LRP1B: variants seen among roughly 807,000 people sequenced by gnomAD.
LRP1B encodes the protein low-density lipoprotein receptor-related protein 1B.
In LRP1B, 217 loss-of-function variants were observed where a neutral mutation model predicts 556.6. The ratio of observed to expected loss-of-function variants is 0.39; its 90% confidence interval spans 0.35 to 0.44. The LOEUF (loss-of-function observed/expected upper bound fraction) is 0.44. LRP1B is among the 20% of genes least tolerant of loss of function. LRP1B has a pLI of 1.00. For missense variants in LRP1B, 5,053 were observed against 5,620.8 expected (o/e 0.90, Z 3.23); for synonymous variants, 2,047 against 1,865.8 (o/e 1.10, Z -2.50).
At chr2:142,073,316 C>A (rs1381362149) in intron 1 of LRP1B, among the ~76,000 whole-genome samples, 1 of 151,914 alleles carries the variant, frequency 6.6e-6, no homozygotes, top group Non-Finnish European at 1.5e-5. Flanking sequence ...GTCTTAAAAA[C>A]TATAGAGACC....
chr2:141,714,589 T>A (rs1692502270), intron 2 of LRP1B, among the ~76,000 whole-genome samples: 1 of 152,136 alleles, frequency 6.6e-6, no homozygotes, highest in South Asian at 2.1e-4. Flanking sequence ...TTTATAATTT[T>A]CTCTCTTCAA....
Position 141,207,753 on chromosome 2 carries a change from G to A in LRP1B, c.851-19170C>T, listed in dbSNP as rs144626523. Among the ~76,000 whole-genome samples, 837 of 152,284 alleles carry A rather than the reference G, an allele frequency of 5.5e-3. 11 individuals carry two copies. Among genetic ancestry groups the A allele is most frequent in the African/African-American group, 0.019 (789 of 41,554 alleles). ...CGCAATGGTGCAATCTCAGCTCACTGCAACCTCTGCCTCCCCGGTTCAAGC... is the reference window on the plus strand; with the variant it reads ...CGCAATGGTGCAATCTCAGCTCACTACAACCTCTGCCTCCCCGGTTCAAGC... On this transcript the variant is annotated intron_variant, in intron 6 of 90. Coordinates refer to ENST00000389484, the MANE Select transcript of LRP1B (RefSeq NM_018557.3).
Position 141,320,067 on chromosome 2 carries a change from G to C in LRP1B, c.344-65426C>G, listed in dbSNP as rs936399428. 9.9e-5 allele frequency among the ~76,000 whole-genome samples: 15 copies of C among 152,152 alleles called. No individual in the cohort carries two copies. The South Asian group carries it at 3.1e-3, about 32-fold the overall frequency. On this transcript the variant is annotated intron_variant, in intron 3 of 90. Transcript: ENST00000389484. ...ATACTACATTATTAGTAATTTCTCA[G>C]ATGATGCCAATGTTTCTAGACTATG...
At chr2:142,121,031 C>A (rs781304975) in intron 1 of LRP1B, among the ~76,000 whole-genome samples, 9 of 152,238 alleles carry the variant, frequency 5.9e-5, no homozygotes, top group African/African-American at 2.2e-4. Flanking sequence ...AGAATATTAA[C>A]CCTTTCCCCC....
intron 21 of LRP1B, among the ~76,000 whole-genome samples, chr2:140,921,120 A>G (rs1440994676): frequency 6.6e-6 from 1 of 151,938 alleles, no homozygotes; most frequent in African/African-American, 2.4e-5. Context: ...TTTGTCTGCA[A>G]ATTTTTTTTC....
At chr2:141,337,602 G>A (rs1327278661) in intron 3 of LRP1B, among the ~76,000 whole-genome samples, 1 of 152,078 alleles carries the variant, frequency 6.6e-6, no homozygotes, top group African/African-American at 2.4e-5. Context: ...TTCTTTAATA[G>A]ATCGACTATT....
chr2:141,932,552 T>G (rs1700536048), intron 1 of LRP1B, among the ~76,000 whole-genome samples: 1 of 152,082 alleles, frequency 6.6e-6, no homozygotes, highest in Non-Finnish European at 1.5e-5. Flanking sequence ...CAAAGCCATG[T>G]AATGCTTGTG....
intron 84 of LRP1B, among the ~76,000 whole-genome samples, chr2:140,284,880 C>T (rs1431502469): frequency 1.0e-5 from 1 of 98,654 alleles, no homozygotes; most frequent in Non-Finnish European, 2.0e-5. Flanking sequence ...ATATATCTAT[C>T]TATATCTATA....
chr2:140,405,456 T>C (rs1684689162), intron 66 of LRP1B, among the ~76,000 whole-genome samples: 1 of 151,658 alleles, frequency 6.6e-6, no homozygotes, highest in Non-Finnish European at 1.5e-5. Context: ...AATTGAGAAA[T>C]CATTAGGGAG....
At chr2:140,614,820 G>C (rs536470186) in intron 41 of LRP1B, among the ~76,000 whole-genome samples, 26 of 152,130 alleles carry the variant, frequency 1.7e-4, no homozygotes, top group Non-Finnish European at 3.7e-4. Flanking sequence ...ATCCAGGAAA[G>C]AGCTTAAAGC....
chr2:141,847,035 G>C (rs1162929344), intron 1 of LRP1B, among the ~76,000 whole-genome samples: 1 of 151,346 alleles, frequency 6.6e-6, no homozygotes, highest in Non-Finnish European at 1.5e-5. Context: ...GCAGAAAGAG[G>C]TATGACTGTT....
rs1559156326 is a variant in LRP1B at position 140,851,647 on chromosome 2, T to C, written c.4711+5A>G. ...TATTTTCGATTAGAACTGTAAGAAA[T>C]TTACCATAGCAGGTCTTCTTGTCTG... On this transcript the variant is annotated splice_donor_5th_base_variant and intron_variant, in intron 28 of 90. Transcript: ENST00000389484. The C allele has an allele frequency of 6.2e-7, 1 of 1,606,662 alleles. No individual in the cohort carries two copies. Among genetic ancestry groups the C allele is most frequent in the Non-Finnish European group, 8.5e-7 (1 of 1,177,550 alleles).
At chr2:141,779,562 G>A (rs186940279) in intron 2 of LRP1B, among the ~76,000 whole-genome samples, 45 of 151,678 alleles carry the variant, frequency 3.0e-4, no homozygotes, top group African/African-American at 9.2e-4. Context: ...AATTATAGGC[G>A]CCCACCACCA....
intron 7 of LRP1B, among the ~76,000 whole-genome samples, chr2:141,184,986 A>T (rs1272955279): frequency 6.6e-6 from 1 of 152,060 alleles, no homozygotes; most frequent in Non-Finnish European, 1.5e-5. Context: ...GGTTGAAAAG[A>T]AAAAGGTCAT....
At position 140,879,383 on chromosome 2, in the gene LRP1B, C is replaced by T. The variant is rs549331872; in HGVS notation, c.4169+4434G>A. 2.3e-3 allele frequency among the ~76,000 whole-genome samples: 357 copies of T among 152,140 alleles called. 3 individuals are homozygous for T. The highest frequency in any genetic ancestry group is 8.2e-3 in the African/African-American group (340 of 41,536). Reference sequence around the variant, plus strand: ...TTTGATTCACTAAAATAAGTGATCCCTTCATTTCTTCATTAAACCTAGCAG... The same window carrying T: ...TTTGATTCACTAAAATAAGTGATCCTTTCATTTCTTCATTAAACCTAGCAG... On this transcript the variant is annotated intron_variant, in intron 25 of 90. Transcript: ENST00000389484.
At chr2:140,725,753 T>G (rs1687572709) in intron 35 of LRP1B, among the ~76,000 whole-genome samples, 1 of 152,000 alleles carries the variant, frequency 6.6e-6, no homozygotes, top group Non-Finnish European at 1.5e-5. Flanking sequence ...CACCTGCCAC[T>G]GGGGTTCAGT....
At chr2:140,322,929 T>C (rs1010705048) in intron 81 of LRP1B, among the ~76,000 whole-genome samples, 2 of 151,900 alleles carry the variant, frequency 1.3e-5, no homozygotes, top group African/African-American at 4.8e-5. Context: ...AACTGGAGGA[T>C]GAGAGAAACT....
At chr2:140,860,897 A>G (rs1014835470) in intron 27 of LRP1B, among the ~76,000 whole-genome samples, 3 of 152,162 alleles carry the variant, frequency 2.0e-5, no homozygotes, top group Non-Finnish European at 2.9e-5. Flanking sequence ...CACTTTCTCC[A>G]TGGTTACAGA....
At chr2:141,057,952 A>T (rs1471209521) in intron 9 of LRP1B, among the ~76,000 whole-genome samples, 2 of 151,822 alleles carry the variant, frequency 1.3e-5, no homozygotes, top group Non-Finnish European at 2.9e-5. Context: ...TTTTCTCTAT[A>T]GCACTTATTA....
Sources: gnomAD v4.1 joint callset for allele counts (sites outside exome capture counted in the v4.1 genomes callset) on GRCh38, gnomAD v4.1.1 for gene constraint, MANE v1.5 for transcripts, NCBI Gene and HGNC (gene_info 2026-07-23, HGNC 2026-07-21) for gene names.